Variants in COG5 observed in about 807,000 individuals in gnomAD.
COG5 encodes the protein conserved oligomeric Golgi complex subunit 5.
A neutral mutation model predicts 110.4 loss-of-function variants in COG5; 86 were observed. The ratio of observed to expected loss-of-function variants is 0.78; its 90% CI spans 0.65 to 0.93. COG5 has a LOEUF of 0.93. Ranked by LOEUF, COG5 falls within the 40% of genes least tolerant of loss-of-function variation. The pLI, the probability that COG5 is intolerant of heterozygous loss-of-function variation, is 0.00. For missense variants in COG5, 1,077 were observed against 987.0 expected (o/e 1.09, Z -1.22); for synonymous variants, 360 against 334.6 (o/e 1.08, Z -0.83).
intron 6 of COG5, among the ~76,000 whole-genome samples, chr7:107,482,340 C>G (rs1797405405): frequency 6.6e-6 from 1 of 151,878 alleles, no homozygotes; most frequent in East Asian, 1.9e-4. Flanking sequence ...GAGACAGGGT[C>G]TCATTATGTT....
At chr7:107,461,002 T>C (rs1183666269) in intron 6 of COG5, among the ~76,000 whole-genome samples, 1 of 152,154 alleles carries the variant, frequency 6.6e-6, no homozygotes, top group African/African-American at 2.4e-5. Flanking sequence ...TCTTCTCTAG[T>C]GAATTTTATT....
rs761302871 is a variant in COG5, at chr7:107,258,381, G to C, written c.1578C>G (p.Leu526=). The stretch of plus-strand genomic sequence containing the variant: ...CCTGACTTGCATCTCCTTGTGTGGA[G>C]AGCTGTAAGAATTCAATTTCAAAAG... ...QLYSVKSEQL[L]STQGDASQVI... is the part of the protein sequence containing the mutation. The change falls in exon 15 of 22, where the codon CTC becomes CTG. Residue 526 remains leucine (L), a splice_region_variant and synonymous_variant. Transcript: ENST00000297135. The C allele has an allele frequency of 6.3e-6, 10 of 1,579,996 alleles. No homozygotes were observed. The highest frequency in any genetic ancestry group is 8.7e-6 in the Non-Finnish European group (10 of 1,149,224).
intron 6 of COG5, among the ~76,000 whole-genome samples, chr7:107,484,920 G>A (rs149110038): frequency 1.3e-5 from 2 of 152,242 alleles, no homozygotes; most frequent in African/African-American, 4.8e-5. Flanking sequence ...AGAAAGAGGA[G>A]GGTAGTACCT....
intron 6 of COG5, among the ~76,000 whole-genome samples, chr7:107,434,774 T>G (rs532564004): frequency 2.0e-4 from 31 of 152,006 alleles, no homozygotes; most frequent in Middle Eastern, 3.4e-3. Flanking sequence ...ATCAAGACCA[T>G]CCTGGCTAAC....
chr7:107,205,962 T>A lies in COG5; in HGVS notation c.2376-2332A>T, dbSNP rs528913080. On this transcript the variant is annotated intron_variant, in intron 21 of 21. Transcript: ENST00000297135. ...ACTGAAGAAGTGTAGCTGTTTTTTTTTTTTTTTTATTTTTTTGAGACGGAG... is the reference window on the plus strand; with the variant it reads ...ACTGAAGAAGTGTAGCTGTTTTTTTATTTTTTTTATTTTTTTGAGACGGAG... 1.9e-3 allele frequency among the ~76,000 whole-genome samples: 291 copies of A among 151,820 alleles called. 2 individuals are homozygous for A. Among genetic ancestry groups the A allele is most frequent in the African/African-American group, 6.1e-3 (253 of 41,386 alleles).
chr7:107,295,066 C>CACACATATATAT (rs1366898060), intron 12 of COG5, among the ~76,000 whole-genome samples: 12 of 45,836 alleles, frequency 2.6e-4, no homozygotes, highest in Non-Finnish European at 3.4e-4. Flanking sequence ...CACACACACA[C>CACACATATATAT]ATATATATAT....
intron 8 of COG5, among the ~76,000 whole-genome samples, chr7:107,370,269 C>G (rs1288899717): frequency 6.6e-6 from 1 of 151,950 alleles, no homozygotes; most frequent in Non-Finnish European, 1.5e-5. Context: ...TGACAGAATC[C>G]TATTATTTTT....
chr7:107,368,206 T>C (rs992227263), intron 8 of COG5, among the ~76,000 whole-genome samples: 1 of 152,066 alleles, frequency 6.6e-6, no homozygotes, highest in Non-Finnish European at 1.5e-5. Context: ...TCAATTAGGA[T>C]CTAGTATTTC....
intron 10 of COG5, among the ~76,000 whole-genome samples, chr7:107,331,840 C>CT (rs750263117): frequency 0.027 from 3,515 of 131,796 alleles, 116 homozygotes; most frequent in African/African-American, 0.061. Flanking sequence ...CTGCTTGCCT[C>CT]TTTTTTTTTT....
At chr7:107,320,085 T>C (rs1274811472) in intron 11 of COG5, among the ~76,000 whole-genome samples, 2 of 152,116 alleles carry the variant, frequency 1.3e-5, no homozygotes, top group African/African-American at 4.8e-5. Flanking sequence ...GCAGGCAAGC[T>C]TAGGGCTAGA....
chr7:107,210,540 C>T lies in COG5; in HGVS notation c.2361G>A (p.Arg787=), dbSNP rs776997784. ...WLDDHPSEKD[R]LLLIRGALEA... is the part of the protein sequence containing the mutation. ...CCTGGCTTTACCTGATGAGGAGGAG[C>T]CTGTCCTTTTCAGATGGATGGTCAT... The change falls in exon 21 of 22, where the codon AGG becomes AGA. Residue 787 remains arginine, a synonymous_variant. Transcript: ENST00000297135. 6.9e-6 allele frequency: 11 copies of T among 1,600,594 alleles called. No homozygotes were observed. In the Admixed American group the frequency reaches 1.9e-4, roughly 28 times the overall value.
intron 6 of COG5, among the ~76,000 whole-genome samples, chr7:107,506,651 G>T (rs921261852): frequency 6.6e-6 from 1 of 152,152 alleles, no homozygotes; most frequent in Non-Finnish European, 1.5e-5. Flanking sequence ...CAGTTTCCCA[G>T]TAGCAGCATC....
chr7:107,372,306 T>A (rs1814247371), intron 8 of COG5, among the ~76,000 whole-genome samples: 1 of 152,204 alleles, frequency 6.6e-6, no homozygotes, highest in African/African-American at 2.4e-5. Flanking sequence ...AAAAATATGT[T>A]CCTTGCCTTT....
chr7:107,483,438 G>T (rs2129122262), intron 6 of COG5, among the ~76,000 whole-genome samples: 1 of 152,302 alleles, frequency 6.6e-6, no homozygotes, highest in African/African-American at 2.4e-5. Flanking sequence ...GGGCATGGTG[G>T]CACATGCCTG....
intron 6 of COG5, among the ~76,000 whole-genome samples, chr7:107,485,487 T>C (rs1315106222): frequency 6.6e-6 from 1 of 152,220 alleles, no homozygotes; most frequent in East Asian, 1.9e-4. Flanking sequence ...TATTAACACA[T>C]ATGCTTACCA....
intron 6 of COG5, among the ~76,000 whole-genome samples, chr7:107,521,408 T>G (rs1047472745): frequency 3.3e-5 from 5 of 152,184 alleles, no homozygotes; most frequent in African/African-American, 1.2e-4. Context: ...GACAAATGTC[T>G]AATATCCAGC....
chr7:107,268,590 C>T (rs1054080513), intron 14 of COG5, among the ~76,000 whole-genome samples: 14 of 152,148 alleles, frequency 9.2e-5, no homozygotes, highest in African/African-American at 3.4e-4. Flanking sequence ...TCTTCCCCAC[C>T]ACAGTCTCTC....
chr7:107,497,632 A>G (rs533095614), intron 6 of COG5, among the ~76,000 whole-genome samples: 208 of 152,286 alleles, frequency 1.4e-3, no homozygotes, highest in African/African-American at 4.9e-3. Context: ...AAAAGAAACT[A>G]AAGAACTAAA....
At chr7:107,523,900 C>T (rs1255846501) in intron 6 of COG5, among the ~76,000 whole-genome samples, 1 of 151,790 alleles carries the variant, frequency 6.6e-6, no homozygotes, top group Non-Finnish European at 1.5e-5. Flanking sequence ...TAAACATATA[C>T]CTACCATATG....
Sources: gnomAD v4.1 joint callset for allele counts (sites outside exome capture counted in the v4.1 genomes callset) on GRCh38, gnomAD v4.1.1 for gene constraint, MANE v1.5 for transcripts, NCBI Gene and HGNC (gene_info 2026-07-23, HGNC 2026-07-21) for gene names.